Variants in SUCLG2 observed in about 807,000 individuals in gnomAD.
SUCLG2 encodes the protein succinate-CoA ligase GDP-forming subunit beta, also known as succinate--CoA ligase [GDP-forming] subunit beta, mitochondrial.
Under a neutral mutation model 47.9 loss-of-function variants are expected in SUCLG2, and 42 were observed. That is an observed-to-expected ratio of 0.88 (90% confidence interval 0.69 to 1.14). SUCLG2 has a LOEUF of 1.14. Among genes scored for constraint, SUCLG2 ranks in the 50% most tolerant of loss-of-function variants. The probability of loss-of-function intolerance (pLI) is 0.00; values close to 1 mark genes in which losing one functional copy is unlikely to be tolerated. For synonymous variants in SUCLG2, 195 were observed against 197.3 expected (o/e 0.99, Z 0.10); for missense variants, 571 against 525.9 (o/e 1.09, Z -0.84).
intron 2 of SUCLG2, among the ~76,000 whole-genome samples, chr3:67,567,155 C>T (rs1353577997): frequency 6.6e-6 from 1 of 151,452 alleles, no homozygotes; most frequent in Non-Finnish European, 1.5e-5. Flanking sequence ...CTGCACTCAA[C>T]CTGGGTGACA....
chr3:67,601,871 A>G (rs1186618566), intron 2 of SUCLG2, among the ~76,000 whole-genome samples: 1 of 152,078 alleles, frequency 6.6e-6, no homozygotes, highest in East Asian at 1.9e-4. Context: ...AATCCCAGAT[A>G]CTCAGGAGGC....
At chr3:67,638,366 T>G (rs541659409) in intron 1 of SUCLG2, among the ~76,000 whole-genome samples, 1 of 152,348 alleles carries the variant, frequency 6.6e-6, no homozygotes, top group South Asian at 2.1e-4. Flanking sequence ...CTGCATTGTT[T>G]CCAAGCTGAT....
intron 1 of SUCLG2, among the ~76,000 whole-genome samples, chr3:67,613,509 C>T (rs985744164): frequency 3.3e-5 from 5 of 152,176 alleles, no homozygotes; most frequent in Admixed American, 6.5e-5. Flanking sequence ...CCTACCCCAT[C>T]GAAGTTTGCC....
chr3:67,645,799 C>A (rs948126204), intron 1 of SUCLG2, among the ~76,000 whole-genome samples: 4 of 151,538 alleles, frequency 2.6e-5, no homozygotes, highest in African/African-American at 9.7e-5. Flanking sequence ...TGGTTTTCCC[C>A]CTTTCTTTCA....
intron 9 of SUCLG2, among the ~76,000 whole-genome samples, chr3:67,414,880 A>G (rs754285956): frequency 5.9e-5 from 9 of 152,118 alleles, no homozygotes; most frequent in Non-Finnish European, 1.2e-4. Context: ...TATGAGATGC[A>G]ATCTTGGCTC....
intron 9 of SUCLG2, among the ~76,000 whole-genome samples, chr3:67,412,794 T>C (rs1249496524): frequency 6.6e-6 from 1 of 152,180 alleles, no homozygotes; most frequent in Non-Finnish European, 1.5e-5. Context: ...ATTGTCATTA[T>C]CAATATTTTT....
intron 2 of SUCLG2, among the ~76,000 whole-genome samples, chr3:67,538,150 T>C (rs1464200130): frequency 1.3e-5 from 2 of 152,232 alleles, no homozygotes; most frequent in Non-Finnish European, 2.9e-5. Flanking sequence ...TGCCCATGCC[T>C]ATGTCCTGAA....
At chr3:67,534,089 A>G (rs1216077055) in intron 2 of SUCLG2, among the ~76,000 whole-genome samples, 1 of 152,184 alleles carries the variant, frequency 6.6e-6, no homozygotes, top group Non-Finnish European at 1.5e-5. Flanking sequence ...AGTACAAGAC[A>G]GAAATAGAAC....
intron 10 of SUCLG2, 158 bp from the exon 11 acceptor site, chr3:67,376,017 G>A (rs1313075161): frequency 2.0e-6 from 2 of 985,352 alleles, no homozygotes; most frequent in African/African-American, 3.5e-5. Context: ...AAGATTATGT[G>A]ATGAAATTTA....
At chr3:67,634,492 C>T (rs1478528759) in intron 1 of SUCLG2, among the ~76,000 whole-genome samples, 1 of 152,126 alleles carries the variant, frequency 6.6e-6, no homozygotes. Context: ...TATTAGTTAT[C>T]TTATAAAGTT....
chr3:67,361,358 G>C (rs963248126), intron 10 of SUCLG2, among the ~76,000 whole-genome samples: 1 of 152,154 alleles, frequency 6.6e-6, no homozygotes. Context: ...AATACAAAAT[G>C]TACATTAAAT....
chr3:67,642,247 G>A (rs1340576587), intron 1 of SUCLG2, among the ~76,000 whole-genome samples: 2 of 152,148 alleles, frequency 1.3e-5, no homozygotes, highest in Non-Finnish European at 2.9e-5. Flanking sequence ...AGATGTGCAG[G>A]GCAACAGCTG....
intron 8 of SUCLG2, 137 bp downstream of exon 8, chr3:67,497,997 G>T: frequency 1.2e-6 from 1 of 868,644 alleles, no homozygotes; most frequent in Non-Finnish European, 1.7e-6. Context: ...AAGAAACTTG[G>T]ATACTTTCCT....
At position 67,504,071 on chromosome 3, in the gene SUCLG2, G is replaced by A. The variant is rs115790954; in HGVS notation, c.757+4736C>T. Among the ~76,000 whole-genome samples, 581 of 152,282 alleles carry A rather than the reference G, an allele frequency of 3.8e-3. 2 individuals carry two copies. The highest frequency in any genetic ancestry group is 0.012 in the African/African-American group (517 of 41,552). ...AATCTGTCTTCAAGCAACGTACTGC[G>A]TTTGATTTGTGATAAATAACCATAA... On this transcript the variant is annotated intron_variant, in intron 7 of 10. Transcript: ENST00000307227.
Position 67,628,499 on chromosome 3 carries a change from C to T in SUCLG2, c.85-18903G>A, listed in dbSNP as rs374197040. Among the ~76,000 whole-genome samples, 6 of 152,338 alleles carry T rather than the reference C, an allele frequency of 3.9e-5. No individual in the cohort carries two copies. The East Asian group carries it at 7.7e-4, about 20-fold the overall frequency. On this transcript the variant is annotated intron_variant, in intron 1 of 10. Coordinates refer to ENST00000307227, the MANE Select transcript of SUCLG2 (RefSeq NM_003848.4). Reference sequence around the variant, plus strand: ...GAAGAGAAGGGTGTCTAGCTGACCACAGGACTTTTTGGTGAGTGGACATGG... The same window carrying T: ...GAAGAGAAGGGTGTCTAGCTGACCATAGGACTTTTTGGTGAGTGGACATGG...
At chr3:67,407,407 G>A (rs1575675959) in intron 9 of SUCLG2, among the ~76,000 whole-genome samples, 1 of 152,118 alleles carries the variant, frequency 6.6e-6, no homozygotes, top group East Asian at 1.9e-4. Flanking sequence ...CAGTAGTGGT[G>A]GCCAATTACA....
intron 2 of SUCLG2, among the ~76,000 whole-genome samples, chr3:67,535,340 A>C (rs1706510833): frequency 6.6e-6 from 1 of 151,966 alleles, no homozygotes; most frequent in Non-Finnish European, 1.5e-5. Flanking sequence ...GGAGGGTCCT[A>C]GGAGTCCCCA....
chr3:67,443,172 A>C (rs1445537327), intron 9 of SUCLG2, among the ~76,000 whole-genome samples: 1 of 152,214 alleles, frequency 6.6e-6, no homozygotes, highest in Admixed American at 6.5e-5. Context: ...GGTTATATGC[A>C]TATATTGTAT....
rs191067295 is a variant in SUCLG2 at position 67,623,239 on chromosome 3, G to A, written c.85-13643C>T. Among the ~76,000 whole-genome samples the A allele has an allele frequency of 9.8e-4, 150 of 152,286 alleles. 1 individual carries two copies. Among genetic ancestry groups the A allele is most frequent in the Admixed American group, 6.9e-3 (105 of 15,304 alleles). Reference sequence around the variant, plus strand: ...ATTGCGGCTGGGCGTGGTGGCTCACGCCTGTAATCCCAGCACTTTGGGAGG... The same window carrying A: ...ATTGCGGCTGGGCGTGGTGGCTCACACCTGTAATCCCAGCACTTTGGGAGG... On this transcript the variant is annotated intron_variant, in intron 1 of 10. Transcript: ENST00000307227.
Sources: allele counts gnomAD v4.1 joint callset (sites outside exome capture counted in the v4.1 genomes callset), GRCh38; gene constraint gnomAD v4.1.1; transcripts MANE v1.5; gene names NCBI Gene and HGNC (gene_info 2026-07-23, HGNC 2026-07-21).